The following CCND2 variants were observed in gnomAD, a reference collection of about 807,000 sequenced individuals.
CCND2 encodes the protein G1/S-specific cyclin-D2.
Under a neutral mutation model 30.2 loss-of-function variants are expected in CCND2, and 6 were observed. That is an observed-to-expected ratio of 0.20 (90% CI 0.11 to 0.39). The LOEUF is 0.39. Among genes scored for constraint, CCND2 ranks in the 10% least tolerant of loss-of-function variants. The probability of loss-of-function intolerance (pLI) is 1.00; values close to 1 mark genes in which losing one functional copy is unlikely to be tolerated. For missense variants in CCND2, 235 were observed against 373.4 expected, an observed-to-expected ratio of 0.63 and a Z score of 3.06; for synonymous variants, 150 against 153.1, an observed-to-expected ratio of 0.98 and a Z score of 0.15.
Position 4,274,325 on chromosome 12 carries a change from C to G in CCND2, c.195+90C>G. The stretch of plus-strand genomic sequence containing the variant: ...AGCCCTAAACCTGGGAGAGGGCAAT[C>G]CCCGCGCCGGCCTCCCGGCTCCTGT... On this transcript the variant is annotated intron_variant, in intron 1 of 4. Coordinates refer to ENST00000261254, the MANE Select transcript of CCND2 (RefSeq NM_001759.4). This position sits in a 1 kb window ranked among gnomAD's most constrained non-coding sequence, Gnocchi z 7.7. The G allele has an allele frequency of 7.2e-7, 1 of 1,394,086 alleles. No individual in the cohort carries two copies. Among genetic ancestry groups the G allele is most frequent in the Non-Finnish European group, 9.9e-7 (1 of 1,007,896 alleles). 86.4% of individuals were successfully genotyped at this position (1,394,086 alleles called of 1,614,324 possible).
At chr12:4,294,038 G>A (rs1311459854) in intron 4 of CCND2, among the ~76,000 whole-genome samples, 4 of 152,170 alleles carry the variant, frequency 2.6e-5, no homozygotes, top group East Asian at 1.9e-4. Flanking sequence ...AGTTGGCCGC[G>A]GGTCTGGGGC....
At chr12:4,298,876 G>T (rs541284152) in intron 4 of CCND2, among the ~76,000 whole-genome samples, 18 of 152,292 alleles carry the variant, frequency 1.2e-4, no homozygotes, top group Admixed American at 1.2e-3. Flanking sequence ...CCTAAGAGAA[G>T]CTCCTGCCTG....
intron 3 of CCND2, among the ~76,000 whole-genome samples, chr12:4,283,501 T>C (rs1370856926): frequency 3.9e-5 from 6 of 152,210 alleles, no homozygotes; most frequent in African/African-American, 1.4e-4. Flanking sequence ...ACACTCACAG[T>C]GAGTGACATC....
chr12:4,277,197 AC>A (rs1402150273), intron 2 of CCND2, among the ~76,000 whole-genome samples: 1 of 152,136 alleles, frequency 6.6e-6, no homozygotes, highest in Non-Finnish European at 1.5e-5. Flanking sequence ...TCACCTTTGA[AC>A]CGCTGCCAGG....
Position 4,303,041 on chromosome 12 carries a change from G to A in CCND2, c.*3032G>A, listed in dbSNP as rs1016511600. 1 of 233,280 alleles carries A rather than the reference G, an allele frequency of 4.3e-6. No individual in the cohort carries two copies. Among genetic ancestry groups the A allele is most frequent in the Non-Finnish European group, 8.5e-6 (1 of 118,076 alleles). 14.5% of individuals were successfully genotyped at this position (233,280 alleles called of 1,614,324 possible). On this transcript the variant is annotated 3_prime_UTR_variant, in exon 5 of 5. Coordinates refer to ENST00000261254, the MANE Select transcript of CCND2 (RefSeq NM_001759.4). This position sits in a 1 kb window ranked among gnomAD's most constrained non-coding sequence, Gnocchi z 4.6. ...ATCTTGGAGCCTAAAGAGAAACCGAGGTGCAAATTCATTTCATGGTGACTG... is the reference window on the plus strand; with the variant it reads ...ATCTTGGAGCCTAAAGAGAAACCGAAGTGCAAATTCATTTCATGGTGACTG...
Position 4,305,009 on chromosome 12 carries a change from T to C in CCND2, c.*5000T>C, listed in dbSNP as rs1347882316. On this transcript the variant is annotated 3_prime_UTR_variant, in exon 5 of 5. Transcript: ENST00000261254. The surrounding 1 kb of genome is among the most constrained non-coding windows in gnomAD (Gnocchi z 6.4). ...TTTTTCTTTTCTTTTTCTTTTTTTT[T>C]TTGCTTTAAAACAAGTGTGATGCCA... is the stretch of plus-strand genomic sequence containing the variant. 1.7e-5 allele frequency: 4 copies of C among 233,310 alleles called. No homozygotes were observed. Among genetic ancestry groups the C allele is most frequent in the Non-Finnish European group, 3.4e-5 (4 of 118,040 alleles). 14.5% of individuals were successfully genotyped at this position (233,310 alleles called of 1,614,324 possible). A position where few individuals can be genotyped will look rare whatever the true frequency, so the allele number is the denominator to read the frequency against.
Position 4,285,511 on chromosome 12 carries a change from GC to G in CCND2, c.572-3330del. On this transcript the variant is annotated intron_variant, in intron 3 of 4. Coordinates refer to ENST00000261254, the MANE Select transcript of CCND2 (RefSeq NM_001759.4). The surrounding 1 kb of genome is among the most constrained non-coding windows in gnomAD (Gnocchi z 4.1). Reference sequence around the variant, plus strand: ...TGTGTTTCTCCCACCTAACAGAACAGCTTTTATTTTCCGTGCATCCTTCCAG... The same window carrying G: ...TGTGTTTCTCCCACCTAACAGAACAGTTTTATTTTCCGTGCATCCTTCCAG... 1.3e-6 allele frequency: 1 copy of G among 748,576 alleles called. No individual in the cohort carries two copies. Among genetic ancestry groups the G allele is most frequent in the Non-Finnish European group, 1.6e-6 (1 of 613,842 alleles). The allele number at this position is 748,576 out of a possible 1,614,324, so 46.4% of individuals were successfully genotyped here. A position where few individuals can be genotyped will look rare whatever the true frequency, so the allele number is the denominator to read the frequency against.
rs763529306 is a variant in CCND2 at position 4,276,160 on chromosome 12, G to A, written c.351G>A (p.Pro117=). ...FLASKLKETS[P]LTAEKLCIYT... is the part of the protein sequence containing the mutation. ...CCTCCAAACTCAAAGAGACCAGCCC[G>A]CTGACCGCGGAGAAGCTGTGCATTT... The change falls in exon 2 of 5, where the codon CCG becomes CCA. Residue 117 remains proline (P), a synonymous_variant. Coordinates refer to ENST00000261254, the MANE Select transcript of CCND2 (RefSeq NM_001759.4). This position sits in a 1 kb window ranked among gnomAD's most constrained non-coding sequence, Gnocchi z 4.8. 6.2e-7 allele frequency: 1 copy of A among 1,614,170 alleles called. No homozygotes were observed. The highest frequency in any genetic ancestry group is 8.5e-7 in the Non-Finnish European group (1 of 1,180,040).
At chr12:4,294,670 T>TCAGC (rs1268946425) in intron 4 of CCND2, among the ~76,000 whole-genome samples, 1 of 152,224 alleles carries the variant, frequency 6.6e-6, no homozygotes, top group African/African-American at 2.4e-5. Flanking sequence ...GTCTGAGCTT[T>TCAGC]CAGCCAGATG....
chr12:4,288,761 T>G, intron 3 of CCND2, 81 bp from the exon 4 acceptor site: 1 of 1,422,170 alleles, frequency 7.0e-7, no homozygotes, highest in Non-Finnish European at 9.6e-7. Flanking sequence ...TGCCGTCCTG[T>G]TTCTGAGTCT....
At chr12:4,288,507 C>T (rs940246499) in intron 3 of CCND2, among the ~76,000 whole-genome samples, 3 of 152,142 alleles carry the variant, frequency 2.0e-5, no homozygotes, top group African/African-American at 7.2e-5. Flanking sequence ...CTTGCTCCCC[C>T]CACCAGGGTC....
chr12:4,288,400 G>A (rs2120559188), intron 3 of CCND2, among the ~76,000 whole-genome samples: 1 of 152,130 alleles, frequency 6.6e-6, no homozygotes, highest in Middle Eastern at 3.4e-3. Flanking sequence ...GGTCTGTCCT[G>A]CTTGCATGGC....
At position 4,301,541 on chromosome 12, in the gene CCND2, T is replaced by C. The variant is rs1309448076; in HGVS notation, c.*1532T>C. 4.3e-6 allele frequency: 1 copy of C among 232,988 alleles called. No homozygotes were observed. Among genetic ancestry groups the C allele is most frequent in the Non-Finnish European group, 8.5e-6 (1 of 117,810 alleles). 14.4% of individuals were successfully genotyped at this position (232,988 alleles called of 1,614,324 possible). A position where few individuals can be genotyped will look rare whatever the true frequency, so the allele number is the denominator to read the frequency against. On this transcript the variant is annotated 3_prime_UTR_variant, in exon 5 of 5. Transcript: ENST00000261254. ...GCTATTTGTTAAAATATTTGCCTTT[T>C]TAAGTAAAAAAGAAAAATCAGAACA...
chr12:4,293,651 A>G lies in CCND2; in HGVS notation c.720+4661A>G, dbSNP rs3217882. On this transcript the variant is annotated intron_variant, in intron 4 of 4. Coordinates refer to ENST00000261254, the MANE Select transcript of CCND2 (RefSeq NM_001759.4). The surrounding 1 kb of genome is among the most constrained non-coding windows in gnomAD (Gnocchi z 4.9). ...TGGCATTTTACGGTCCTGGTTATCA[A>G]TGAGCTATTAAAAAGCAGGGAGGTG... Among the ~76,000 whole-genome samples, 67,261 of 152,018 alleles carry G rather than the reference A, an allele frequency of 0.44. 16,056 individuals carry two copies. The highest frequency in any genetic ancestry group is 0.61 in the Middle Eastern group (179 of 292).
chr12:4,297,243 CA>C (rs1391645627), intron 4 of CCND2, among the ~76,000 whole-genome samples: 1 of 152,110 alleles, frequency 6.6e-6, no homozygotes, highest in Non-Finnish European at 1.5e-5. Flanking sequence ...TTAAGGTTTT[CA>C]AACATCTACT....
chr12:4,300,125 AC>A lies in CCND2; in HGVS notation c.*118del. The A allele has an allele frequency of 2.0e-6, 2 of 1,009,058 alleles. No homozygotes were observed. 62.5% of individuals were successfully genotyped at this position (1,009,058 alleles called of 1,614,324 possible). Reference sequence around the variant, plus strand: ...AACTTAAAAAAAAAATTCTGCCCCCACCTAGATCATATTTAAAGATCTTTTA... The same window carrying A: ...AACTTAAAAAAAAAATTCTGCCCCCACTAGATCATATTTAAAGATCTTTTA... On this transcript the variant is annotated 3_prime_UTR_variant, in exon 5 of 5. Transcript: ENST00000261254.
At chr12:4,297,269 C>T (rs1017842043) in intron 4 of CCND2, among the ~76,000 whole-genome samples, 2 of 151,946 alleles carry the variant, frequency 1.3e-5, no homozygotes, top group Admixed American at 1.3e-4. Flanking sequence ...TGCAAGTGCC[C>T]CTAGAAACAT....
intron 3 of CCND2, among the ~76,000 whole-genome samples, chr12:4,280,516 G>A (rs184054605): frequency 4.1e-4 from 63 of 152,372 alleles, no homozygotes; most frequent in South Asian, 1.2e-3. Context: ...CTGCAGCCCT[G>A]GGGGCGGTTC....
At position 4,282,712 on chromosome 12, in the gene CCND2, C is replaced by A. The variant is rs1290715533; in HGVS notation, c.571+3793C>A. On this transcript the variant is annotated intron_variant, in intron 3 of 4. Coordinates refer to ENST00000261254, the MANE Select transcript of CCND2 (RefSeq NM_001759.4). The surrounding 1 kb of genome is among the most constrained non-coding windows in gnomAD (Gnocchi z 4.3). ...GGCTGTAAGATGAATGGGTAGCAGG[C>A]TGCTCATCGCCCTCCAACCAGCCCC... is the stretch of plus-strand genomic sequence containing the variant. Among the ~76,000 whole-genome samples the A allele has an allele frequency of 6.6e-6, 1 of 152,214 alleles. No individual in the cohort carries two copies. The highest frequency in any genetic ancestry group is 1.9e-4 in the East Asian group (1 of 5,198).
Sources: gnomAD v4.1 joint callset for allele counts (sites outside exome capture counted in the v4.1 genomes callset) on GRCh38, gnomAD v4.1.1 for gene constraint, Gnocchi (gnomAD v3.1) non-coding constraint, MANE v1.5 for transcripts, NCBI Gene and HGNC (gene_info 2026-07-23, HGNC 2026-07-21) for gene names.